LIMCH1: variants seen among roughly 807,000 people sequenced by gnomAD.
LIMCH1 encodes LIM and calponin homology domains 1.
LIMCH1 carries 113 observed loss-of-function variants against 176.5 expected under a neutral mutation model. That is an observed-to-expected ratio of 0.64 (90% CI 0.55 to 0.75). LIMCH1 has a LOEUF of 0.75. Among genes scored for constraint, LIMCH1 ranks in the 30% least tolerant of loss-of-function variants. LIMCH1 has a pLI of 0.00. For missense variants in LIMCH1, 1,674 were observed against 1,814.9 expected, an observed-to-expected ratio of 0.92 and a Z score of 1.41; for synonymous variants, 619 against 645.9, an observed-to-expected ratio of 0.96 and a Z score of 0.63.
chr4:41,515,833 G>A (rs1051233881), intron 2 of LIMCH1, among the ~76,000 whole-genome samples: 3 of 152,134 alleles, frequency 2.0e-5, no homozygotes. Context: ...GTTGGGAGCT[G>A]GCTGTGTATT....
intron 1 of LIMCH1, among the ~76,000 whole-genome samples, chr4:41,553,073 C>T (rs369890083): frequency 1.3e-5 from 2 of 152,174 alleles, no homozygotes; most frequent in African/African-American, 2.4e-5. Context: ...GCCTTCCAGG[C>T]GCTACAAGAA....
At chr4:41,401,682 T>C (rs1287859714) in intron 1 of LIMCH1, among the ~76,000 whole-genome samples, 1 of 152,140 alleles carries the variant, frequency 6.6e-6, no homozygotes, top group Non-Finnish European at 1.5e-5. Flanking sequence ...TGTTCTTCCA[T>C]TTGTTTGTAT....
chr4:41,491,380 A>C (rs2070949073), intron 1 of LIMCH1, among the ~76,000 whole-genome samples: 1 of 106,724 alleles, frequency 9.4e-6, no homozygotes, highest in South Asian at 3.5e-4. Flanking sequence ...CACTTCCCCG[A>C]CAGGGCAGCC....
intron 18 of LIMCH1, among the ~76,000 whole-genome samples, chr4:41,652,730 C>T (rs2094345312): frequency 6.6e-6 from 1 of 152,112 alleles, no homozygotes; most frequent in African/African-American, 2.4e-5. Flanking sequence ...GATTACATAT[C>T]CCCCAAAGTA....
At chr4:41,470,030 A>T (rs2066719965) in intron 1 of LIMCH1, among the ~76,000 whole-genome samples, 1 of 152,072 alleles carries the variant, frequency 6.6e-6, no homozygotes, top group African/African-American at 2.4e-5. Context: ...GAGCATAATT[A>T]TGGGATTTTG....
intron 1 of LIMCH1, among the ~76,000 whole-genome samples, chr4:41,402,450 A>G (rs1488290790): frequency 2.0e-5 from 3 of 148,436 alleles, no homozygotes; most frequent in South Asian, 2.2e-4. Context: ...TAGAAATACC[A>G]TTTGACCCAG....
At chr4:41,508,064 A>G (rs1288273037) in intron 2 of LIMCH1, among the ~76,000 whole-genome samples, 1 of 152,230 alleles carries the variant, frequency 6.6e-6, no homozygotes, top group Non-Finnish European at 1.5e-5. Context: ...TGAAAACTCT[A>G]CGACTGGAAC....
chr4:41,399,241 C>T (rs1432223747), intron 1 of LIMCH1, among the ~76,000 whole-genome samples: 1 of 151,954 alleles, frequency 6.6e-6, no homozygotes, highest in African/African-American at 2.4e-5. Flanking sequence ...ATTCAGACTT[C>T]ATTATTTATT....
intron 28 of LIMCH1, among the ~76,000 whole-genome samples, chr4:41,686,561 A>C (rs1720921305): frequency 6.6e-6 from 1 of 152,192 alleles, no homozygotes; most frequent in Non-Finnish European, 1.5e-5. Context: ...ATAGTACTGT[A>C]ACCAATCATT....
chr4:41,449,019 TA>T (rs1003814015), intron 1 of LIMCH1, among the ~76,000 whole-genome samples: 51 of 145,202 alleles, frequency 3.5e-4, no homozygotes, highest in Admixed American at 4.8e-4. Flanking sequence ...CAGCACTTAG[TA>T]AAAAAAAAAA....
At chr4:41,415,632 GCTATTGTCCTTTAT>G (rs1420807582) in intron 1 of LIMCH1, among the ~76,000 whole-genome samples, 1 of 152,162 alleles carries the variant, frequency 6.6e-6, no homozygotes, top group African/African-American at 2.4e-5. Flanking sequence ...ACCTTGGTTA[GCTATTGTCCTTTAT>G]CTATGTGTCT....
chr4:41,522,401 G>A (rs1028513039), intron 2 of LIMCH1, among the ~76,000 whole-genome samples: 1 of 152,090 alleles, frequency 6.6e-6, no homozygotes, highest in Non-Finnish European at 1.5e-5. Flanking sequence ...CTTTCAGGTT[G>A]CCTTCAGAGA....
intron 5 of LIMCH1, among the ~76,000 whole-genome samples, chr4:41,615,148 T>C (rs753664380): frequency 6.6e-6 from 1 of 152,232 alleles, no homozygotes; most frequent in Non-Finnish European, 1.5e-5. Context: ...AGCTTTAACA[T>C]AACCAAAGAG....
chr4:41,684,461 C>T lies in LIMCH1; in HGVS notation c.3910C>T (p.Gln1304Ter). 3 of 1,613,782 alleles carry T rather than the reference C, an allele frequency of 1.9e-6. No homozygotes were observed. The highest frequency in any genetic ancestry group is 2.5e-6 in the Non-Finnish European group (3 of 1,179,824). ...ATCAAAAGGAGTCCATGAAGACCAT[C>T]AGCTGGATACCGAGGCTGGGGCCCC... ...PVSKGVHEDH[Q>*]LDTEAGAPHC... Residue 1304 changes from glutamine (Q) to a stop codon, truncating the protein, a stop_gained, in exon 27 of 32, where the codon CAG becomes TAG. Transcript: ENST00000503057. LOFTEE classifies it high-confidence loss of function.
rs931321875 is a variant in LIMCH1, at chr4:41,546,684, C to A, written c.-241+8334C>A. ...ATTCCAGGCAATGAATGTGTTGCTT[C>A]CCCTGTGATAGATTATGGCACTAAA... On this transcript the variant is annotated intron_variant, in intron 1 of 31. Coordinates refer to ENST00000503057, the MANE Select transcript of LIMCH1 (RefSeq NM_001330672.2). Among the ~76,000 whole-genome samples the A allele has an allele frequency of 3.3e-5, 5 of 152,206 alleles. No homozygotes were observed. In the South Asian group the frequency reaches 1.0e-3, roughly 32 times the overall value.
intron 1 of LIMCH1, among the ~76,000 whole-genome samples, chr4:41,468,009 T>G (rs1407945763): frequency 6.6e-6 from 1 of 152,170 alleles, no homozygotes; most frequent in Non-Finnish European, 1.5e-5. Context: ...TTTCATTTGC[T>G]TTTCATATGG....
chr4:41,538,413 G>A lies in LIMCH1; in HGVS notation c.-241+63G>A, dbSNP rs576766291. On this transcript the variant is annotated intron_variant, in intron 1 of 31. Transcript: ENST00000503057. ...GGGTATCCATGATGGAAAGAAGGAA[G>A]CTATTTAGACTTTAATACTTGGTTT... 3 of 889,784 alleles carry A rather than the reference G, an allele frequency of 3.4e-6. No homozygotes were observed. In the South Asian group the frequency reaches 1.5e-4, roughly 46 times the overall value. 55.1% of individuals were successfully genotyped at this position (889,784 alleles called of 1,614,324 possible). A position where few individuals can be genotyped will look rare whatever the true frequency, so the allele number is the denominator to read the frequency against.
chr4:41,586,930 T>C (rs969202136), intron 1 of LIMCH1, among the ~76,000 whole-genome samples: 4 of 152,166 alleles, frequency 2.6e-5, no homozygotes, highest in African/African-American at 7.2e-5. Flanking sequence ...CTAACTGTGC[T>C]ATGAGGAAAA....
At chr4:41,477,362 A>C (rs1375485668) in intron 1 of LIMCH1, among the ~76,000 whole-genome samples, 1 of 152,138 alleles carries the variant, frequency 6.6e-6, no homozygotes, top group East Asian at 1.9e-4. Context: ...CCTTCAGAGG[A>C]GTTTGCGTGG....
Sources: gnomAD v4.1 joint callset for allele counts (sites outside exome capture counted in the v4.1 genomes callset) on GRCh38, gnomAD v4.1.1 for gene constraint, MANE v1.5 for transcripts, NCBI Gene and HGNC (gene_info 2026-07-23, HGNC 2026-07-21) for gene names.